PUS7: variants seen among roughly 807,000 people sequenced by gnomAD.
The protein encoded by PUS7 is pseudouridylate synthase 7 homolog.
In PUS7, 48 loss-of-function variants were observed where a neutral mutation model predicts 79.8. That is an observed-to-expected ratio of 0.60 (90% CI 0.48 to 0.76). The LOEUF (loss-of-function observed/expected upper bound fraction) is 0.76. Ranked by LOEUF, PUS7 falls within the 30% of genes least tolerant of loss-of-function variation. The pLI is 0.00. For synonymous variants in PUS7, 286 were observed against 272.2 expected (o/e 1.05, Z -0.50); for missense variants, 729 against 797.6 (o/e 0.91, Z 1.04).
At chr7:105,512,912 G>A (rs1825755051) in intron 1 of PUS7, among the ~76,000 whole-genome samples, 1 of 152,202 alleles carries the variant, frequency 6.6e-6, no homozygotes, top group Non-Finnish European at 1.5e-5. Context: ...AGTAGTAGCA[G>A]GGACAGGAGA....
intron 2 of PUS7, among the ~76,000 whole-genome samples, chr7:105,506,479 G>A (rs919507652): frequency 6.6e-6 from 1 of 150,814 alleles, no homozygotes; most frequent in Non-Finnish European, 1.5e-5. Context: ...CTGGAGTGCA[G>A]TGGCTCGATC....
intron 15 of PUS7, among the ~76,000 whole-genome samples, chr7:105,458,661 C>T (rs1823290577): frequency 6.6e-6 from 1 of 151,292 alleles, no homozygotes; most frequent in Non-Finnish European, 1.5e-5. Context: ...CAAGCTCCGC[C>T]TTCTGTGTTC....
intron 9 of PUS7, among the ~76,000 whole-genome samples, chr7:105,480,792 A>G (rs1454170424): frequency 6.6e-6 from 1 of 151,994 alleles, no homozygotes; most frequent in Non-Finnish European, 1.5e-5. Context: ...AAATAAATAT[A>G]TAAAATAAAA....
chr7:105,472,262 G>T, intron 9 of PUS7, 69 bp from the exon 10 acceptor site: 1 of 946,722 alleles, frequency 1.1e-6, no homozygotes, highest in Non-Finnish European at 1.7e-6. Flanking sequence ...ACAAATCTTT[G>T]AAGAGTCAAC....
At chr7:105,516,808 T>C (rs1825913344) in intron 1 of PUS7, among the ~76,000 whole-genome samples, 1 of 152,014 alleles carries the variant, frequency 6.6e-6, no homozygotes. Flanking sequence ...GGTGATCTTA[T>C]GAACATAGAA....
intron 1 of PUS7, among the ~76,000 whole-genome samples, chr7:105,515,687 G>A (rs1229057134): frequency 6.6e-6 from 1 of 152,066 alleles, no homozygotes; most frequent in African/African-American, 2.4e-5. Context: ...GAGTGCAGTG[G>A]CACAATCTCG....
chr7:105,475,214 C>G (rs1257728862), intron 9 of PUS7, among the ~76,000 whole-genome samples: 3 of 151,922 alleles, frequency 2.0e-5, no homozygotes. Flanking sequence ...GAGATGGAGT[C>G]TCGCTCTGTC....
intron 11 of PUS7, 121 bp from the exon 12 acceptor site, chr7:105,468,584 C>A: frequency 1.2e-6 from 1 of 835,932 alleles, no homozygotes; most frequent in Non-Finnish European, 1.8e-6. Context: ...GTGGCACGAT[C>A]TAGGCTCATT....
intron 1 of PUS7, among the ~76,000 whole-genome samples, chr7:105,509,599 C>T (rs2697020): frequency 0.33 from 50,148 of 151,736 alleles, 9,406 homozygotes; most frequent in African/African-American, 0.51. Context: ...GCCTCCCCAG[C>T]AGCTGGGACT....
intron 2 of PUS7, among the ~76,000 whole-genome samples, chr7:105,506,547 C>T (rs969263862): frequency 1.1e-4 from 17 of 151,882 alleles, no homozygotes; most frequent in Admixed American, 3.3e-4. Flanking sequence ...CTCAGCCTCC[C>T]GAGTAGCTGG....
chr7:105,462,475 G>T, intron 14 of PUS7, 146 bp downstream of exon 14: 3 of 876,024 alleles, frequency 3.4e-6, no homozygotes, highest in Non-Finnish European at 5.2e-6. Flanking sequence ...AAAATATGGT[G>T]TTATAATCTT....
At chr7:105,491,973 C>A (rs1460764238) in intron 6 of PUS7, among the ~76,000 whole-genome samples, 1 of 146,184 alleles carries the variant, frequency 6.8e-6, no homozygotes, top group Non-Finnish European at 1.5e-5. Context: ...AGGGGAATTG[C>A]TTGAACTCAG....
chr7:105,491,596 G>C lies in PUS7; in HGVS notation c.864C>G (p.Ser288=), dbSNP rs1033346251. 24 of 1,598,632 alleles carry C rather than the reference G, an allele frequency of 1.5e-5. No individual in the cohort carries two copies. The highest frequency in any genetic ancestry group is 1.9e-5 in the Non-Finnish European group (22 of 1,166,420). ...CCCTTTTATCTTTGGTTCCCATGTA[G>C]GAGAATATATTTGGCTTGACTCTGG... ...KYLRVKPNIF[S]YMGTKDKRAI... The change falls in exon 7 of 16, where the codon TCC becomes TCG. Residue 288 remains serine (S), a synonymous_variant. Transcript: ENST00000469408.
Position 105,508,134 on chromosome 7 carries a change from A to G in PUS7, c.379T>C (p.Ser127Pro). ...ATGTACCTTTCTTTTAAGATTCCCG[A>G]GAACCCTTGATGAGAACTCACAAAC... The part of the protein sequence containing the change: ...TKFVSSHQGF[S>P]GILKERYSDF... The change falls in exon 2 of 16, where the codon TCG (serine) becomes CCG (proline). Residue 127 changes from serine to proline, a missense_variant. By Grantham distance (74) the Ser-to-Pro change is moderately conservative. Transcript: ENST00000469408. 1 of 1,612,660 alleles carries G rather than the reference A, an allele frequency of 6.2e-7. No individual in the cohort carries two copies. The highest frequency in any genetic ancestry group is 8.5e-7 in the Non-Finnish European group (1 of 1,179,090).
chr7:105,467,530 C>T (rs1329481050), intron 12 of PUS7, among the ~76,000 whole-genome samples: 1 of 151,762 alleles, frequency 6.6e-6, no homozygotes, highest in African/African-American at 2.4e-5. Flanking sequence ...ACCTCGTGAT[C>T]TGCCCGCCTT....
Position 105,465,373 on chromosome 7 carries a change from A to G in PUS7, c.1567T>C (p.Ser523Pro), listed in dbSNP as rs748957451. The G allele has an allele frequency of 2.5e-6, 4 of 1,613,706 alleles. No homozygotes were observed. In the East Asian group the frequency reaches 8.9e-5, roughly 36 times the overall value. ...AAGGGCATTACCACATCATGGATAG[A>G]GTAATTATTAACATCATCTTCCTCA... ...YIEEDDVNNY[S>P]IHDVVMPLPG... Residue 523 changes from serine (S) to proline (P), a missense_variant, in exon 13 of 16, where the codon TCT becomes CCT. Ser to Pro is a moderately conservative substitution (Grantham distance 74). Coordinates refer to ENST00000469408, the MANE Select transcript of PUS7 (RefSeq NM_019042.5).
chr7:105,472,611 G>C (rs547075905), intron 9 of PUS7, among the ~76,000 whole-genome samples: 4 of 152,160 alleles, frequency 2.6e-5, no homozygotes. Context: ...AGAACTTCAA[G>C]TGCCAAAAGA....
chr7:105,470,853 G>T lies in PUS7; in HGVS notation c.1238-5C>A. 2 of 1,568,748 alleles carry T rather than the reference G, an allele frequency of 1.3e-6. No homozygotes were observed. Among genetic ancestry groups the T allele is most frequent in the East Asian group, 2.3e-5 (1 of 43,966 alleles). ...TAACCAAGTAGCCCTTTTCAGCTGC[G>T]GGGGGAAAAAGCTAGGGTTAAATGA... On this transcript the variant is annotated splice_polypyrimidine_tract_variant and splice_region_variant and intron_variant, in intron 10 of 15. Transcript: ENST00000469408.
rs1374937402 is a variant in PUS7 at position 105,508,292 on chromosome 7, G to T, written c.221C>A (p.Ser74Tyr). ...TTCCTCATCTTCCAACTGAGCCTCA[G>T]AATTCTTTCCACCTTTCCCAGTACT... The part of the protein sequence containing the change: ...TVSTGKGGKN[S>Y]EAQLEDEEEE... Residue 74 changes from serine to tyrosine, a missense_variant, in exon 2 of 16, where the codon TCT becomes TAT. Ser to Tyr is a moderately radical substitution (Grantham distance 144). Transcript: ENST00000469408. The T allele has an allele frequency of 6.2e-7, 1 of 1,613,960 alleles. No individual in the cohort carries two copies. Among genetic ancestry groups the T allele is most frequent in the African/African-American group, 1.3e-5 (1 of 74,870 alleles).
Sources: allele counts gnomAD v4.1 joint callset (sites outside exome capture counted in the v4.1 genomes callset), GRCh38; gene constraint gnomAD v4.1.1; transcripts MANE v1.5; gene names NCBI Gene and HGNC (gene_info 2026-07-23, HGNC 2026-07-21).